The following ABCC9 variants were observed in gnomAD, a reference collection of about 807,000 sequenced individuals.
ABCC9 encodes ATP binding cassette subfamily C member 9, also known as ATP-binding cassette sub-family C member 9.
A neutral mutation model predicts 188.3 loss-of-function variants in ABCC9; 95 were observed. The ratio of observed to expected loss-of-function variants is 0.50; its 90% CI spans 0.43 to 0.60. ABCC9 has a LOEUF of 0.60. Among genes scored for constraint, ABCC9 ranks in the 20% least tolerant of loss-of-function variants. The pLI, the probability that ABCC9 is intolerant of heterozygous loss-of-function variation, is 0.00. For synonymous variants in ABCC9, 659 were observed against 652.7 expected (o/e 1.01, Z -0.15); for missense variants, 1,102 against 1,876.3 (o/e 0.59, Z 7.62).
At chr12:21,910,068 A>T in intron 10 of ABCC9, 89 bp downstream of exon 10, 1 of 1,271,942 alleles carries the variant, frequency 7.9e-7, no homozygotes, top group Non-Finnish European at 1.1e-6. Context: ...TTCAAAAACT[A>T]TACACCTTTT....
chr12:21,881,278 T>G (rs1171952649), intron 16 of ABCC9, among the ~76,000 whole-genome samples: 3 of 152,172 alleles, frequency 2.0e-5, no homozygotes, highest in Admixed American at 1.3e-4. Flanking sequence ...AATAAAAATA[T>G]TTCAAAAATA....
At chr12:21,888,382 T>G (rs976955492) in intron 14 of ABCC9, among the ~76,000 whole-genome samples, 2 of 152,086 alleles carry the variant, frequency 1.3e-5, no homozygotes, top group Non-Finnish European at 2.9e-5. Context: ...TAAAACCATT[T>G]AGCATGTAAT....
At chr12:21,868,204 T>C (rs1485830940) in intron 18 of ABCC9, among the ~76,000 whole-genome samples, 1 of 152,246 alleles carries the variant, frequency 6.6e-6, no homozygotes, top group Non-Finnish European at 1.5e-5. Context: ...GGCATCTGTA[T>C]GTTCCACGTT....
intron 30 of ABCC9, among the ~76,000 whole-genome samples, chr12:21,836,023 AT>A (rs1944061153): frequency 6.6e-6 from 1 of 152,178 alleles, no homozygotes; most frequent in Admixed American, 6.6e-5. Context: ...TACTCTTCAC[AT>A]TCAATTTGCT....
intron 16 of ABCC9, among the ~76,000 whole-genome samples, chr12:21,881,715 C>CAT (rs1555100166): frequency 1.3e-5 from 2 of 151,114 alleles, no homozygotes; most frequent in Non-Finnish European, 3.0e-5. Flanking sequence ...ACAACACACA[C>CAT]ACACACACAC....
chr12:21,893,751 G>A (rs1306665283), intron 14 of ABCC9, among the ~76,000 whole-genome samples: 1 of 152,090 alleles, frequency 6.6e-6, no homozygotes, highest in East Asian at 1.9e-4. Context: ...ATATTGCATA[G>A]TCAGTAAACA....
At chr12:21,902,878 A>G (rs1267530096) in intron 12 of ABCC9, among the ~76,000 whole-genome samples, 1 of 152,198 alleles carries the variant, frequency 6.6e-6, no homozygotes, top group East Asian at 1.9e-4. Flanking sequence ...AGGAGCTGGT[A>G]CCATCCTTCT....
At position 21,934,006 on chromosome 12, in the gene ABCC9, C is replaced by T. The variant is rs1395467414; in HGVS notation, c.143-83G>A. The T allele has an allele frequency of 3.4e-5, 51 of 1,501,564 alleles. No homozygotes were observed. The Admixed American group carries it at 7.1e-4, about 21-fold the overall frequency. 93.0% of individuals were successfully genotyped at this position (1,501,564 alleles called of 1,614,324 possible). On this transcript the variant is annotated intron_variant, in intron 3 of 39. Coordinates refer to ENST00000261200, the MANE Select transcript of ABCC9 (RefSeq NM_020297.4). ...TAAACATAATTTAAATTATGATAAGCTTTAAGGCAGGGGTGGGGGGGTCCT... is the reference window on the plus strand; with the variant it reads ...TAAACATAATTTAAATTATGATAAGTTTTAAGGCAGGGGTGGGGGGGTCCT...
intron 30 of ABCC9, among the ~76,000 whole-genome samples, chr12:21,834,469 T>C (rs1276914233): frequency 6.6e-6 from 1 of 152,108 alleles, no homozygotes; most frequent in African/African-American, 2.4e-5. Context: ...TCCAGACCTG[T>C]CCTTGACCTG....
At chr12:21,930,641 A>C (rs781686150) in intron 4 of ABCC9, among the ~76,000 whole-genome samples, 1 of 152,230 alleles carries the variant, frequency 6.6e-6, no homozygotes, top group Non-Finnish European at 1.5e-5. Flanking sequence ...TCTACACAAT[A>C]TGTGCAAACG....
intron 39 of ABCC9, 95 bp downstream of exon 39, chr12:21,805,903 A>T: frequency 8.7e-7 from 1 of 1,144,772 alleles, no homozygotes; most frequent in Non-Finnish European, 1.3e-6. Flanking sequence ...AGAAATACAT[A>T]ATTCAACACA....
chr12:21,874,514 A>T (rs909868160), intron 17 of ABCC9, among the ~76,000 whole-genome samples: 2 of 152,194 alleles, frequency 1.3e-5, no homozygotes, highest in Admixed American at 1.3e-4. Flanking sequence ...CTGGGTATTT[A>T]TGCAAGCGAA....
intron 37 of ABCC9, among the ~76,000 whole-genome samples, chr12:21,809,109 C>T (rs114253182): frequency 4.2e-3 from 635 of 152,150 alleles, no homozygotes; most frequent in African/African-American, 0.014. Context: ...ATTATCTTTC[C>T]TATTGCTTTC....
intron 14 of ABCC9, among the ~76,000 whole-genome samples, chr12:21,890,961 A>G (rs1947130648): frequency 1.3e-5 from 2 of 152,034 alleles, no homozygotes; most frequent in African/African-American, 2.4e-5. Flanking sequence ...CCTAAAACTT[A>G]CAGTATAATA....
At chr12:21,836,191 ATAG>A (rs1160330005) in intron 30 of ABCC9, among the ~76,000 whole-genome samples, 1 of 152,158 alleles carries the variant, frequency 6.6e-6, no homozygotes, top group African/African-American at 2.4e-5. Context: ...TCCCCAGTTC[ATAG>A]TAGTATCCCA....
chr12:21,832,492 T>C (rs1943829288), intron 30 of ABCC9, among the ~76,000 whole-genome samples: 1 of 152,144 alleles, frequency 6.6e-6, no homozygotes. Context: ...CTTTTGGGTT[T>C]AAAAATGCTG....
At chr12:21,910,351 C>T (rs1400847822) in intron 9 of ABCC9, 39 bp from the exon 10 acceptor site, 5 of 1,523,772 alleles carry the variant, frequency 3.3e-6, no homozygotes, top group Middle Eastern at 1.7e-4. Flanking sequence ...AAGCTCTAAA[C>T]TTAAAATTGA....
intron 10 of ABCC9, among the ~76,000 whole-genome samples, chr12:21,909,677 G>A (rs557870787): frequency 1.2e-4 from 18 of 151,952 alleles, no homozygotes; most frequent in East Asian, 7.7e-4. Flanking sequence ...AATTGCTCTC[G>A]TTTAGAAATG....
chr12:21,901,720 A>G (rs1947761070), intron 12 of ABCC9, among the ~76,000 whole-genome samples: 1 of 152,198 alleles, frequency 6.6e-6, no homozygotes, highest in Admixed American at 6.5e-5. Context: ...CCATTATACA[A>G]TGGTAAAGGG....
Sources: gnomAD v4.1 joint callset for allele counts (sites outside exome capture counted in the v4.1 genomes callset) on GRCh38, gnomAD v4.1.1 for gene constraint, MANE v1.5 for transcripts, NCBI Gene and HGNC (gene_info 2026-07-23, HGNC 2026-07-21) for gene names.